The following TRAK1 variants were observed in gnomAD, a reference collection of about 807,000 sequenced individuals.
The protein encoded by TRAK1 is trafficking kinesin-binding protein 1.
Under a neutral mutation model 92.1 loss-of-function variants are expected in TRAK1, and 33 were observed. The ratio of observed to expected loss-of-function variants is 0.36; its 90% CI spans 0.27 to 0.48. The LOEUF (loss-of-function observed/expected upper bound fraction) is 0.48. Among genes scored for constraint, TRAK1 ranks in the 20% least tolerant of loss-of-function variants. The pLI, the probability that TRAK1 is intolerant of heterozygous loss-of-function variation, is 0.99. For missense variants in TRAK1, 1,123 were observed against 1,257.9 expected, an observed-to-expected ratio of 0.89 and a Z score of 1.62; for synonymous variants, 521 against 517.3, an observed-to-expected ratio of 1.01 and a Z score of -0.10.
intron 2 of TRAK1, chr3:42,160,622 G>C: frequency 3.4e-6 from 3 of 885,042 alleles, no homozygotes; most frequent in Non-Finnish European, 5.0e-6. Flanking sequence ...TGGCTTAAAG[G>C]TGTCCTTGTA....
chr3:42,096,363 C>T (rs1483698966), intron 1 of TRAK1, among the ~76,000 whole-genome samples: 1 of 152,122 alleles, frequency 6.6e-6, no homozygotes, highest in Non-Finnish European at 1.5e-5. Flanking sequence ...AGTGATTCTC[C>T]TGCCTCAGCC....
At chr3:42,146,966 T>C (rs1343799323) in intron 2 of TRAK1, among the ~76,000 whole-genome samples, 1 of 152,228 alleles carries the variant, frequency 6.6e-6, no homozygotes, top group Non-Finnish European at 1.5e-5. Context: ...TGTTAACTAT[T>C]TGCCTGTTTA....
chr3:42,211,137 A>G, intron 14 of TRAK1: 1 of 985,274 alleles, frequency 1.0e-6, no homozygotes, highest in Non-Finnish European at 1.2e-6. Context: ...GAGGACGTTT[A>G]TCTTTGTGAT....
chr3:42,079,916 A>T (rs895136510), intron 1 of TRAK1, among the ~76,000 whole-genome samples: 2 of 152,064 alleles, frequency 1.3e-5, no homozygotes, highest in African/African-American at 4.8e-5. Flanking sequence ...TTTCACAATC[A>T]TTGCACCAGG....
intron 2 of TRAK1, among the ~76,000 whole-genome samples, chr3:42,167,225 T>C (rs1471597509): frequency 6.6e-6 from 1 of 152,184 alleles, no homozygotes; most frequent in Non-Finnish European, 1.5e-5. Flanking sequence ...TTTTTACCCC[T>C]CTCTGGGGTG....
rs771206175 is a variant in TRAK1 at position 42,091,405 on chromosome 3, CG to C, written c.-61del. On this transcript the variant is annotated 5_prime_UTR_variant, in exon 1 of 16. Coordinates refer to ENST00000327628, the MANE Select transcript of TRAK1 (RefSeq NM_001042646.3). ...GGAGGGTGGCTGTGCGAGGTACTGC[CG>C]GGGCTGAGCTCTCATGGAGGCTCTC... 132 of 1,493,274 alleles carry C rather than the reference CG, an allele frequency of 8.8e-5. No individual in the cohort carries two copies. The highest frequency in any genetic ancestry group is 1.1e-4 in the Non-Finnish European group (124 of 1,083,010). The allele number at this position is 1,493,274 out of a possible 1,614,324, so 92.5% of individuals were successfully genotyped here. A position where few individuals can be genotyped will look rare whatever the true frequency, so the allele number is the denominator to read the frequency against.
At chr3:42,195,398 T>A (rs1446859505) in intron 10 of TRAK1, among the ~76,000 whole-genome samples, 1 of 152,228 alleles carries the variant, frequency 6.6e-6, no homozygotes, top group African/African-American at 2.4e-5. Flanking sequence ...TCCTGTGTAT[T>A]CCAGCTCTAT....
At chr3:42,191,809 T>C (rs900934314) in intron 7 of TRAK1, among the ~76,000 whole-genome samples, 173 bp downstream of exon 7, 1 of 151,966 alleles carries the variant, frequency 6.6e-6, no homozygotes, top group Non-Finnish European at 1.5e-5. Context: ...TATTATTTAG[T>C]GCTAAGTTGC....
intron 2 of TRAK1, among the ~76,000 whole-genome samples, chr3:42,138,518 A>G (rs929609941): frequency 6.6e-6 from 1 of 152,212 alleles, no homozygotes; most frequent in South Asian, 2.1e-4. Flanking sequence ...CATGTATAGA[A>G]TAACAAGATC....
At chr3:42,126,536 C>CTT (rs1036429238) in intron 2 of TRAK1, among the ~76,000 whole-genome samples, 2 of 152,168 alleles carry the variant, frequency 1.3e-5, no homozygotes, top group Admixed American at 1.3e-4. Flanking sequence ...AAAATGAATA[C>CTT]TTTATGATTC....
rs1053656239 is a variant in TRAK1, at chr3:42,166,065, C to T, written c.287-10749C>T. Among the ~76,000 whole-genome samples the T allele has an allele frequency of 6.6e-5, 10 of 152,212 alleles. 1 individual carries two copies. Among genetic ancestry groups the T allele is most frequent in the African/African-American group, 1.7e-4 (7 of 41,550 alleles). Reference sequence around the variant, plus strand: ...TGTCTCTTACCTGACACCTTTCCTGCTTGCTCCTCTGTGTTATGCCAGTTT... The same window carrying T: ...TGTCTCTTACCTGACACCTTTCCTGTTTGCTCCTCTGTGTTATGCCAGTTT... On this transcript the variant is annotated intron_variant, in intron 2 of 15. Coordinates refer to ENST00000327628, the MANE Select transcript of TRAK1 (RefSeq NM_001042646.3).
upstream of TRAK1, among the ~76,000 whole-genome samples, chr3:42,085,241 C>G (rs7647478): frequency 1.8e-3 from 268 of 152,232 alleles, 1 homozygote; most frequent in African/African-American, 6.2e-3. Flanking sequence ...GATCTTGGCT[C>G]ACTGCAAGCC....
chr3:42,189,657 A>G (rs55747246), intron 6 of TRAK1, among the ~76,000 whole-genome samples: 16,130 of 151,820 alleles, frequency 0.11, 1,068 homozygotes, highest in South Asian at 0.2. Context: ...TAGCCTCCTG[A>G]GTAGCTGGGA....
chr3:42,217,419 G>C, intron 14 of TRAK1: 1 of 985,302 alleles, frequency 1.0e-6, no homozygotes, highest in South Asian at 4.7e-5. Flanking sequence ...GGTGACTTGT[G>C]AATTTTTAGC....
intron 1 of TRAK1, among the ~76,000 whole-genome samples, chr3:42,053,176 C>T (rs1471993667): frequency 2.0e-5 from 3 of 152,092 alleles, no homozygotes; most frequent in African/African-American, 7.2e-5. Context: ...TTTTCTTTCC[C>T]GTTTGTGTAA....
chr3:42,119,386 A>G (rs1253427458), intron 1 of TRAK1, among the ~76,000 whole-genome samples: 2 of 152,210 alleles, frequency 1.3e-5, no homozygotes, highest in South Asian at 2.1e-4. Context: ...TGTTTGGAAA[A>G]TGGTGAGAAG....
At chr3:42,098,040 T>C (rs1368250059) in intron 1 of TRAK1, among the ~76,000 whole-genome samples, 1 of 151,834 alleles carries the variant, frequency 6.6e-6, no homozygotes, top group Non-Finnish European at 1.5e-5. Flanking sequence ...CTTCTCACCC[T>C]CTTCTCTCCT....
intron 14 of TRAK1, chr3:42,217,270 G>T (rs1709825368): frequency 2.9e-5 from 29 of 985,338 alleles, no homozygotes; most frequent in Non-Finnish European, 3.5e-5. Context: ...CATCCTGGCA[G>T]TCAGTGGTGA....
intron 4 of TRAK1, among the ~76,000 whole-genome samples, 159 bp from the exon 5 acceptor site, chr3:42,187,886 T>C (rs924601612): frequency 2.6e-5 from 4 of 152,234 alleles, no homozygotes; most frequent in Non-Finnish European, 5.9e-5. Flanking sequence ...AATGAAAGCC[T>C]CTTTTTTTGA....
Sources: allele counts gnomAD v4.1 joint callset (sites outside exome capture counted in the v4.1 genomes callset), GRCh38; gene constraint gnomAD v4.1.1; transcripts MANE v1.5; gene names NCBI Gene and HGNC (gene_info 2026-07-23, HGNC 2026-07-21).